SDK2: variants seen among roughly 807,000 people sequenced by gnomAD.
SDK2 encodes the protein protein sidekick-2.
In SDK2, 105 loss-of-function variants were observed where a neutral mutation model predicts 253.9. That is an observed-to-expected ratio of 0.41 (90% CI 0.35 to 0.49). The LOEUF (loss-of-function observed/expected upper bound fraction) is 0.49. SDK2 is among the 20% of genes least tolerant of loss of function. The pLI, the probability that SDK2 is intolerant of heterozygous loss-of-function variation, is 0.06. For missense variants in SDK2, 2,608 were observed against 3,003.0 expected (o/e 0.87, Z 3.07); for synonymous variants, 1,249 against 1,234.9 (o/e 1.01, Z -0.24).
chr17:73,347,929 T>A (rs1311406645), intron 44 of SDK2, among the ~76,000 whole-genome samples: 1 of 152,146 alleles, frequency 6.6e-6, no homozygotes, highest in Non-Finnish European at 1.5e-5. Flanking sequence ...TACACTGAGT[T>A]CACCAGTGTC....
At chr17:73,404,755 A>C (rs2145538070) in intron 18 of SDK2, among the ~76,000 whole-genome samples, 1 of 152,258 alleles carries the variant, frequency 6.6e-6, no homozygotes, top group Middle Eastern at 3.4e-3. Context: ...TCAGGTTCTA[A>C]GTAGACGGGG....
intron 37 of SDK2, 32 bp downstream of exon 37, chr17:73,368,375 A>T (rs1426913876): frequency 1.4e-6 from 2 of 1,439,874 alleles, no homozygotes. Context: ...TGGCCGACCT[A>T]CCCCTCCCCT....
At chr17:73,521,873 C>T (rs1342815062) in intron 1 of SDK2, among the ~76,000 whole-genome samples, 1 of 152,156 alleles carries the variant, frequency 6.6e-6, no homozygotes, top group Non-Finnish European at 1.5e-5. Flanking sequence ...GAGAAAAACC[C>T]GGGGACACTT....
chr17:73,498,830 CG>C (rs1215117075), intron 2 of SDK2, among the ~76,000 whole-genome samples: 2 of 152,070 alleles, frequency 1.3e-5, no homozygotes, highest in Non-Finnish European at 2.9e-5. Context: ...TGCCACTGCC[CG>C]GGGGAAGGAC....
chr17:73,353,700 ATTTTTTT>A (rs11370066), intron 40 of SDK2, among the ~76,000 whole-genome samples: 21 of 97,222 alleles, frequency 2.2e-4, no homozygotes, highest in African/African-American at 7.5e-4. Context: ...TGCCTGGCCA[ATTTTTTT>A]TTTTTTTTTT....
At chr17:73,572,731 C>T (rs1329246425) in intron 1 of SDK2, among the ~76,000 whole-genome samples, 1 of 152,154 alleles carries the variant, frequency 6.6e-6, no homozygotes, top group Non-Finnish European at 1.5e-5. Flanking sequence ...ATATGATGCT[C>T]AGCTTGCTGG....
intron 4 of SDK2, among the ~76,000 whole-genome samples, chr17:73,450,820 G>A (rs8081062): frequency 0.82 from 124,584 of 152,134 alleles, 51,906 homozygotes; most frequent in Non-Finnish European, 0.89. Flanking sequence ...TGTTAAGCAC[G>A]CATCCCGTGG....
At position 73,338,775 on chromosome 17, in the gene SDK2, C is replaced by A; in HGVS notation, c.6331G>T (p.Asp2111Tyr). 6.2e-7 allele frequency: 1 copy of A among 1,613,888 alleles called. No individual in the cohort carries two copies. Among genetic ancestry groups the A allele is most frequent in the Non-Finnish European group, 8.5e-7 (1 of 1,179,884 alleles). ...SYTESDSGEP[D>Y]HTTVTNSTST... ...GTGCTGTTGGTGACGGTGGTGTGGT[C>A]TGGCTCACCCGAGTCGCTCTCCGTG... The change falls in exon 45 of 45, where the codon GAC becomes TAC. Residue 2111 changes from aspartate to tyrosine, a missense_variant. Asp to Tyr is a radical substitution (Grantham distance 160). Around this residue, in one of 2 missense-constraint regions of SDK2, gnomAD observed 1,103 missense variants for 1,143.9 expected, o/e 0.96. Transcript: ENST00000392650. This position sits in a 1 kb window ranked among gnomAD's most constrained non-coding sequence, Gnocchi z 5.0.
chr17:73,538,629 C>T (rs1043944796), intron 1 of SDK2, among the ~76,000 whole-genome samples: 4 of 152,250 alleles, frequency 2.6e-5, no homozygotes, highest in East Asian at 1.9e-4. Flanking sequence ...TTCTCGCCCA[C>T]GCCTAGCCCA....
At chr17:73,583,973 C>T (rs186697310) in intron 1 of SDK2, among the ~76,000 whole-genome samples, 35 of 152,334 alleles carry the variant, frequency 2.3e-4, no homozygotes, top group Middle Eastern at 6.8e-3. Flanking sequence ...ACCCTGGCCA[C>T]GGAGCCCACC....
At position 73,394,343 on chromosome 17, in the gene SDK2, G is replaced by A. The variant is rs988317222; in HGVS notation, c.3593-19C>T. Reference sequence around the variant, plus strand: ...GAGGGAACTGTGGGGGAAAGGGAGTGGAGAGAAGGCACTCAGGACCCAACG... The same window carrying A: ...GAGGGAACTGTGGGGGAAAGGGAGTAGAGAGAAGGCACTCAGGACCCAACG... On this transcript the variant is annotated intron_variant, in intron 25 of 44. Transcript: ENST00000392650. 8.5e-6 allele frequency: 13 copies of A among 1,522,738 alleles called. No homozygotes were observed. Among genetic ancestry groups the A allele is most frequent in the Non-Finnish European group, 1.2e-5 (13 of 1,123,468 alleles). The allele number at this position is 1,522,738 out of a possible 1,614,324, so 94.3% of individuals were successfully genotyped here. A position where few individuals can be genotyped will look rare whatever the true frequency, so the allele number is the denominator to read the frequency against.
intron 43 of SDK2, among the ~76,000 whole-genome samples, chr17:73,349,511 TC>T (rs2062515970): frequency 6.6e-6 from 1 of 151,620 alleles, no homozygotes; most frequent in South Asian, 2.1e-4. Context: ...CAGGGGAGGG[TC>T]AGGTGGGCCC....
intron 1 of SDK2, among the ~76,000 whole-genome samples, chr17:73,540,504 AATATGGG>A (rs2044851400): frequency 6.6e-6 from 1 of 152,218 alleles, no homozygotes; most frequent in Non-Finnish European, 1.5e-5. Flanking sequence ...CTCCTAACAG[AATATGGG>A]ACTAGGTATG....
intron 1 of SDK2, among the ~76,000 whole-genome samples, chr17:73,575,386 A>C (rs138528323): frequency 1.3e-5 from 2 of 152,010 alleles, no homozygotes; most frequent in African/African-American, 2.4e-5. Context: ...TCATTCTTTC[A>C]CTCGTTCATT....
intron 1 of SDK2, among the ~76,000 whole-genome samples, chr17:73,623,593 C>T (rs867077036): frequency 2.0e-5 from 3 of 152,300 alleles, no homozygotes; most frequent in Middle Eastern, 3.4e-3. Context: ...CTCTGCTCTG[C>T]AAAAGCAGGG....
At chr17:73,423,247 G>C (rs2077678876) in intron 14 of SDK2, 139 bp downstream of exon 14, 23 of 764,386 alleles carry the variant, frequency 3.0e-5, no homozygotes, top group Non-Finnish European at 3.7e-5. Context: ...TCAGAGATGG[G>C]AACGCTGAGG....
chr17:73,508,595 G>T (rs559637816), intron 1 of SDK2, among the ~76,000 whole-genome samples: 39 of 152,222 alleles, frequency 2.6e-4, no homozygotes, highest in Admixed American at 5.9e-4. Context: ...GTTCCGGGCT[G>T]TTCTAGGGGC....
At chr17:73,474,179 A>T (rs999557602) in intron 2 of SDK2, among the ~76,000 whole-genome samples, 1 of 152,112 alleles carries the variant, frequency 6.6e-6, no homozygotes, top group Non-Finnish European at 1.5e-5. Flanking sequence ...TTTTTAACAA[A>T]TTTTTAAACT....
chr17:73,359,089 G>C (rs1003060781), intron 39 of SDK2, among the ~76,000 whole-genome samples: 1 of 152,074 alleles, frequency 6.6e-6, no homozygotes, highest in East Asian at 1.9e-4. Flanking sequence ...ACCAAAGGTG[G>C]GGCTCTGTAC....
Sources: gnomAD v4.1 joint callset for allele counts (sites outside exome capture counted in the v4.1 genomes callset) on GRCh38, gnomAD v4.1.1 for gene constraint, gnomAD v4.1.1 regional missense constraint, Gnocchi (gnomAD v3.1) non-coding constraint, MANE v1.5 for transcripts, NCBI Gene and HGNC (gene_info 2026-07-23, HGNC 2026-07-21) for gene names.